The following EPHA5 variants were observed in gnomAD, a reference collection of about 807,000 sequenced individuals.
EPHA5 encodes the protein EPH receptor A5, also known as ephrin type-A receptor 5.
A neutral mutation model predicts 105.0 loss-of-function variants in EPHA5; 60 were observed. The observed-to-expected ratio is 0.57, with a 90% CI of 0.46 to 0.71. The LOEUF (loss-of-function observed/expected upper bound fraction) is 0.71. EPHA5 is among the 30% of genes least tolerant of loss of function. The pLI is 0.00. For missense variants in EPHA5, 1,218 were observed against 1,274.7 expected (o/e 0.96, Z 0.68); for synonymous variants, 513 against 449.1 (o/e 1.14, Z -1.80).
Position 65,517,898 on chromosome 4 carries a change from T to G in EPHA5, c.911-22355A>C, listed in dbSNP as rs369217029. Among the ~76,000 whole-genome samples, 8 of 152,114 alleles carry G rather than the reference T, an allele frequency of 5.3e-5. 1 individual carries two copies. In the East Asian group the frequency reaches 1.5e-3, roughly 29 times the overall value. ...TATAATTTATAAACAGCATTAAAGATTCTACTTTTAGTATTACATCTACTA... is the reference window on the plus strand; with the variant it reads ...TATAATTTATAAACAGCATTAAAGAGTCTACTTTTAGTATTACATCTACTA... On this transcript the variant is annotated intron_variant, in intron 3 of 16. Transcript: ENST00000613740.
chr4:65,513,272 T>A (rs1411497355), intron 3 of EPHA5, among the ~76,000 whole-genome samples: 2 of 152,196 alleles, frequency 1.3e-5, no homozygotes, highest in Non-Finnish European at 2.9e-5. Flanking sequence ...AGTTTTTGTT[T>A]TTTCTATATT....
intron 2 of EPHA5, among the ~76,000 whole-genome samples, chr4:65,636,982 A>C (rs1747180317): frequency 6.6e-6 from 1 of 152,080 alleles, no homozygotes; most frequent in African/African-American, 2.4e-5. Flanking sequence ...TTTGCATAAA[A>C]TTTGCTGTAA....
intron 3 of EPHA5, among the ~76,000 whole-genome samples, chr4:65,569,865 G>C (rs1056593473): frequency 6.6e-6 from 1 of 151,564 alleles, no homozygotes; most frequent in Non-Finnish European, 1.5e-5. Flanking sequence ...TCCATTTCTG[G>C]AAATAAAAGT....
At chr4:65,372,318 A>T (rs1718556819) in intron 8 of EPHA5, among the ~76,000 whole-genome samples, 1 of 151,986 alleles carries the variant, frequency 6.6e-6, no homozygotes, top group South Asian at 2.1e-4. Flanking sequence ...TAAGCATATG[A>T]ACATTAAGTT....
intron 3 of EPHA5, among the ~76,000 whole-genome samples, chr4:65,566,384 T>C (rs977056789): frequency 3.3e-5 from 5 of 151,720 alleles, no homozygotes; most frequent in Admixed American, 3.3e-4. Flanking sequence ...CCTCACATAG[T>C]TCCTTAAAAA....
Position 65,635,623 on chromosome 4 carries a change from T to G in EPHA5, c.246+7740A>C, listed in dbSNP as rs1578647590. Among the ~76,000 whole-genome samples the G allele has an allele frequency of 2.0e-5, 3 of 152,076 alleles. No homozygotes were observed. In the East Asian group the frequency reaches 5.8e-4, roughly 29 times the overall value. ...AGAAAAAAAAAGAGCAATAGTGGAA[T>G]TTCTAAGACATGAGATCACAAACTG... On this transcript the variant is annotated intron_variant, in intron 2 of 16. Transcript: ENST00000613740.
chr4:65,365,649 C>CTATATATATATATATA (rs57048004), intron 10 of EPHA5, among the ~76,000 whole-genome samples: 16 of 64,864 alleles, frequency 2.5e-4, no homozygotes, highest in Non-Finnish European at 3.2e-4. Context: ...TACAAATTCA[C>CTATATATATATATATA]TATATATATA....
intron 5 of EPHA5, among the ~76,000 whole-genome samples, chr4:65,428,743 A>G (rs1724692996): frequency 2.6e-5 from 4 of 152,094 alleles, no homozygotes; most frequent in Admixed American, 2.6e-4. Context: ...AGGAAACGAA[A>G]GTAACTTAAT....
At chr4:65,386,954 A>T (rs938966420) in intron 8 of EPHA5, among the ~76,000 whole-genome samples, 1 of 147,476 alleles carries the variant, frequency 6.8e-6, no homozygotes, top group Middle Eastern at 3.5e-3. Context: ...CCTGCAATAT[A>T]AAAAAAAAAG....
chr4:65,545,747 CT>C, intron 3 of EPHA5, among the ~76,000 whole-genome samples: 1 of 151,970 alleles, frequency 6.6e-6, no homozygotes, highest in South Asian at 2.1e-4. Flanking sequence ...AATTACCACT[CT>C]TTAAATCGAA....
chr4:65,482,359 C>G (rs551917169), intron 5 of EPHA5, among the ~76,000 whole-genome samples: 2 of 149,788 alleles, frequency 1.3e-5, no homozygotes, highest in Non-Finnish European at 3.0e-5. Context: ...TCAGAAGATA[C>G]TTTCTTCACT....
intron 5 of EPHA5, among the ~76,000 whole-genome samples, chr4:65,461,171 T>G (rs2149130815): frequency 6.6e-6 from 1 of 152,068 alleles, no homozygotes; most frequent in East Asian, 1.9e-4. Flanking sequence ...TTATTGTAAA[T>G]GTACACCTAG....
intron 1 of EPHA5, among the ~76,000 whole-genome samples, chr4:65,655,471 C>T (rs1477601761): frequency 6.6e-6 from 1 of 152,020 alleles, no homozygotes; most frequent in Non-Finnish European, 1.5e-5. Flanking sequence ...TGCCTTGGCT[C>T]AATGAGGTGA....
rs1039628388 is a variant in EPHA5 at position 65,366,192 on chromosome 4, T to G, written c.1862-135A>C. ...CAAACTGCAAGGACCAGCCCTCTCC[T>G]GAGTTACAGTTGTTTGTACAACTAT... On this transcript the variant is annotated intron_variant, in intron 9 of 16. Coordinates refer to ENST00000613740, the MANE Select transcript of EPHA5 (RefSeq NM_001281766.3). 9.8e-6 allele frequency: 7 copies of G among 711,678 alleles called. No individual in the cohort carries two copies. In the African/African-American group the frequency reaches 1.1e-4, roughly 11 times the overall value. The allele number at this position is 711,678 out of a possible 1,614,324, so 44.1% of individuals were successfully genotyped here. A position where few individuals can be genotyped will look rare whatever the true frequency, so the allele number is the denominator to read the frequency against.
At chr4:65,451,536 A>G (rs1727067221) in intron 5 of EPHA5, among the ~76,000 whole-genome samples, 1 of 152,182 alleles carries the variant, frequency 6.6e-6, no homozygotes, top group Non-Finnish European at 1.5e-5. Flanking sequence ...ATAGAATTAC[A>G]CTTTTATAAC....
At position 65,520,458 on chromosome 4, in the gene EPHA5, T is replaced by C. The variant is rs2149278607; in HGVS notation, c.911-24915A>G. The stretch of plus-strand genomic sequence containing the variant: ...AACCTAAGCAATACCATTCAGGTCA[T>C]GGTCATGGGCAAGGACTTCATGTCT... On this transcript the variant is annotated intron_variant, in intron 3 of 16. Coordinates refer to ENST00000613740, the MANE Select transcript of EPHA5 (RefSeq NM_001281766.3). 4.6e-5 allele frequency among the ~76,000 whole-genome samples: 7 copies of C among 152,324 alleles called. No individual in the cohort carries two copies. In the South Asian group the frequency reaches 1.4e-3, roughly 32 times the overall value.
rs1379859278 is a variant in EPHA5 at position 65,455,728 on chromosome 4, A to C, written c.1402+34649T>G. On this transcript the variant is annotated intron_variant, in intron 5 of 16. Transcript: ENST00000613740. ...CATAAAGAAAAAAAGCAGATGGTAC[A>C]ATTTAGTGCACTGTCATTGACATTT... is the stretch of plus-strand genomic sequence containing the variant. Among the ~76,000 whole-genome samples the C allele has an allele frequency of 2.6e-5, 4 of 152,312 alleles. No individual in the cohort carries two copies. The East Asian group carries it at 7.7e-4, about 29-fold the overall frequency.
At chr4:65,326,569 G>T (rs1720100515) in intron 16 of EPHA5, among the ~76,000 whole-genome samples, 1 of 151,234 alleles carries the variant, frequency 6.6e-6, no homozygotes, top group Non-Finnish European at 1.5e-5. Flanking sequence ...TAATTATAAA[G>T]AATTATGTAG....
intron 2 of EPHA5, among the ~76,000 whole-genome samples, chr4:65,616,550 T>A (rs947023874): frequency 5.3e-5 from 8 of 151,608 alleles, no homozygotes; most frequent in African/African-American, 1.9e-4. Context: ...TAATGATCAA[T>A]AAAAACAAAA....
Sources: allele counts gnomAD v4.1 joint callset (sites outside exome capture counted in the v4.1 genomes callset), GRCh38; gene constraint gnomAD v4.1.1; transcripts MANE v1.5; gene names NCBI Gene and HGNC (gene_info 2026-07-23, HGNC 2026-07-21).